The following BDP1 variants were observed in gnomAD, a reference collection of about 807,000 sequenced individuals.
The protein encoded by BDP1 is transcription factor TFIIIB component B'' homolog.
In BDP1, 169 loss-of-function variants were observed where a neutral mutation model predicts 266.6. That is an observed-to-expected ratio of 0.63 (90% confidence interval 0.56 to 0.72). The LOEUF (loss-of-function observed/expected upper bound fraction) is 0.72, where lower values mean the gene tolerates loss of function less well. Among genes scored for constraint, BDP1 ranks in the 30% least tolerant of loss-of-function variants. BDP1 has a pLI of 0.00. For synonymous variants in BDP1, 1,090 were observed against 1,022.4 expected, an observed-to-expected ratio of 1.07 and a Z score of -1.26; for missense variants, 3,015 against 3,053.8, an observed-to-expected ratio of 0.99 and a Z score of 0.30.
intron 3 of BDP1, among the ~76,000 whole-genome samples, chr5:71,462,785 T>C (rs966441655): frequency 2.0e-5 from 3 of 152,098 alleles, no homozygotes; most frequent in Non-Finnish European, 4.4e-5. Flanking sequence ...TTTTCTTTGT[T>C]ATATTAGTTA....
the BDP1 span, among the ~76,000 whole-genome samples, chr5:71,576,635 G>A: frequency 6.6e-6 from 1 of 152,214 alleles, no homozygotes; most frequent in Non-Finnish European, 1.5e-5. Flanking sequence ...GTTAACTGGA[G>A]ACATTGTGGA....
At chr5:71,546,492 C>T (rs1288420287) in intron 32 of BDP1, among the ~76,000 whole-genome samples, 4 of 151,722 alleles carry the variant, frequency 2.6e-5, no homozygotes, top group Non-Finnish European at 5.9e-5. Context: ...GTGGCATGCA[C>T]CTGTAATCCC....
chr5:71,459,281 G>T (rs549462229), intron 2 of BDP1, among the ~76,000 whole-genome samples: 70 of 152,202 alleles, frequency 4.6e-4, no homozygotes, highest in African/African-American at 1.6e-3. Context: ...GGAGGACTAG[G>T]GGGGCAGATC....
At position 71,513,203 on chromosome 5, in the gene BDP1, A is replaced by G. The variant is rs1158498492; in HGVS notation, c.4266A>G (p.Glu1422=). The change falls in exon 19 of 39, where the codon GAA becomes GAG. Residue 1422 remains glutamate, a synonymous_variant. Transcript: ENST00000358731. ...DINLSKSLPQ[E]QKPLEIKPAP... is the part of the protein sequence containing the mutation. ...CCAAAAGCAAATCTCTTCCTCAAGA[A>G]CAGAAGCCACTTGAAATTAAACCAG... 3 of 1,612,526 alleles carry G rather than the reference A, an allele frequency of 1.9e-6. No individual in the cohort carries two copies. Among genetic ancestry groups the G allele is most frequent in the African/African-American group, 1.3e-5 (1 of 74,756 alleles).
chr5:71,529,174 G>A (rs1206890740), intron 25 of BDP1, among the ~76,000 whole-genome samples: 4 of 151,850 alleles, frequency 2.6e-5, no homozygotes, highest in African/African-American at 9.7e-5. Context: ...GGCGAATCAC[G>A]AGGTCAGGAG....
chr5:71,572,649 T>A (rs1281534264), downstream of BDP1, among the ~76,000 whole-genome samples: 1 of 152,220 alleles, frequency 6.6e-6, no homozygotes, highest in East Asian at 1.9e-4. Context: ...AACAAACTGG[T>A]GCTCGGGTTC....
rs573246348 is a variant in BDP1, at chr5:71,476,785, G to C, written c.1014+6296G>C. ...GTGGCGCGGTCTAGGCTCACTGCAA[G>C]CTCCGCCTCCCGGGTTCACACCATT... On this transcript the variant is annotated intron_variant, in intron 7 of 38. Transcript: ENST00000358731. Among the ~76,000 whole-genome samples, 3 of 152,070 alleles carry C rather than the reference G, an allele frequency of 2.0e-5. No homozygotes were observed. The East Asian group carries it at 5.8e-4, about 30-fold the overall frequency.
intron 21 of BDP1, 94 bp from the exon 22 acceptor site, chr5:71,517,228 G>A: frequency 9.3e-7 from 1 of 1,072,466 alleles, no homozygotes; most frequent in Non-Finnish European, 1.3e-6. Flanking sequence ...AAAGAAAAGG[G>A]ATTTTAAAAA....
At position 71,509,603 on chromosome 5, in the gene BDP1, T is replaced by C. The variant is rs756079998; in HGVS notation, c.2511T>C (p.Ile837=). 6.2e-6 allele frequency: 10 copies of C among 1,613,786 alleles called. No individual in the cohort carries two copies. The highest frequency in any genetic ancestry group is 4.0e-5 in the African/African-American group (3 of 74,894). The change falls in exon 17 of 39, where the codon ATT becomes ATC. Residue 837 remains isoleucine, a synonymous_variant. Transcript: ENST00000358731. The part of the protein sequence containing the change: ...ISSKEEVLEK[I]LVSGEMAAAL... ...CAAAGGAAGAGGTACTAGAGAAGAT[T>C]CTTGTCTCTGGGGAAATGGCGGCAG...
At chr5:71,552,247 A>G (rs1035950836) in intron 34 of BDP1, among the ~76,000 whole-genome samples, 1 of 143,888 alleles carries the variant, frequency 6.9e-6, no homozygotes, top group Non-Finnish European at 1.5e-5. Flanking sequence ...GGCGCCCCCC[A>G]CATCTCAGAT....
intron 7 of BDP1, among the ~76,000 whole-genome samples, chr5:71,477,484 T>C (rs941948982): frequency 1.1e-4 from 16 of 152,152 alleles, no homozygotes; most frequent in African/African-American, 3.9e-4. Flanking sequence ...AGTGAACTTA[T>C]TTTATAATAG....
At chr5:71,553,052 T>A (rs1331222923) in intron 34 of BDP1, 64 bp from the exon 35 acceptor site, 181 of 1,133,706 alleles carry the variant, frequency 1.6e-4, no homozygotes, top group Non-Finnish European at 1.8e-4. Context: ...TAGGATCCTT[T>A]AAAAAAAAAA....
chr5:71,479,451 C>G (rs879353165), intron 7 of BDP1, among the ~76,000 whole-genome samples: 1 of 152,088 alleles, frequency 6.6e-6, no homozygotes, highest in Admixed American at 6.6e-5. Context: ...GCTCCTTTAA[C>G]TTTTTTGTTT....
chr5:71,558,047 C>T (rs1056030912), intron 36 of BDP1, among the ~76,000 whole-genome samples: 6 of 152,278 alleles, frequency 3.9e-5, no homozygotes, highest in South Asian at 2.1e-4. Context: ...GTTTATACAA[C>T]TCTGTTTTTC....
chr5:71,462,896 G>T (rs1186977760), intron 3 of BDP1, among the ~76,000 whole-genome samples: 2 of 151,966 alleles, frequency 1.3e-5, no homozygotes, highest in Non-Finnish European at 2.9e-5. Context: ...ATTTTAGGAG[G>T]CCAAGGCGAG....
chr5:71,518,557 TC>T (rs1260938518), intron 22 of BDP1, among the ~76,000 whole-genome samples: 1 of 152,022 alleles, frequency 6.6e-6, no homozygotes, highest in East Asian at 1.9e-4. Context: ...CTCAAGCAAT[TC>T]TCCCACCTCA....
In BDP1 at chr5:71,539,049, C is replaced by T. The variant is rs752853209; in HGVS notation, c.5900C>T (p.Thr1967Ile). Residue 1967 changes from threonine to isoleucine, a missense_variant, in exon 27 of 39, where the codon ACC becomes ATC. Physicochemically the swap from Thr to Ile is moderately conservative, Grantham distance 89. This residue lies in a region of BDP1 where 2,383 missense variants were observed against 2,404.9 expected (regional missense o/e 0.99). Coordinates refer to ENST00000358731, the MANE Select transcript of BDP1 (RefSeq NM_018429.3). ...TATTTTTTTCCTTTTTAGGAAATGA[C>T]CACAAGTGAACATATCCAAGATGAA... ...EENLSVPFEM[T>I]TSEHIQDEPG... 1 of 1,600,408 alleles carries T rather than the reference C, an allele frequency of 6.2e-7. No homozygotes were observed. The highest frequency in any genetic ancestry group is 1.7e-5 in the Admixed American group (1 of 57,922).
At chr5:71,527,780 A>G (rs1236402145) in intron 25 of BDP1, among the ~76,000 whole-genome samples, 1 of 151,736 alleles carries the variant, frequency 6.6e-6, no homozygotes, top group Non-Finnish European at 1.5e-5. Flanking sequence ...GGATATACCC[A>G]GAAGTGGAAT....
intron 26 of BDP1, among the ~76,000 whole-genome samples, chr5:71,537,086 C>G (rs1420838802): frequency 6.8e-6 from 1 of 146,490 alleles, no homozygotes; most frequent in Non-Finnish European, 1.5e-5. Flanking sequence ...GGAGATTGCA[C>G]CATTGCACTC....
Sources: allele counts gnomAD v4.1 joint callset (sites outside exome capture counted in the v4.1 genomes callset), GRCh38; gene constraint gnomAD v4.1.1; regional missense constraint gnomAD v4.1.1; transcripts MANE v1.5; gene names NCBI Gene and HGNC (gene_info 2026-07-23, HGNC 2026-07-21).